Variants in ACYP2 observed in about 807,000 individuals in gnomAD.
ACYP2 encodes acylphosphatase-2.
A neutral mutation model predicts 11.2 loss-of-function variants in ACYP2; 12 were observed. The ratio of observed to expected loss-of-function variants is 1.08; its 90% confidence interval spans 0.69 to 1.74. The LOEUF (loss-of-function observed/expected upper bound fraction) is 1.74, where lower values mean the gene tolerates loss of function less well. Among genes scored for constraint, ACYP2 ranks in the 40% most tolerant of loss-of-function variants. The probability of loss-of-function intolerance (pLI) is 0.00; values close to 1 mark genes in which losing one functional copy is unlikely to be tolerated. For synonymous variants in ACYP2, 43 were observed against 32.2 expected (o/e 1.33, Z -1.13); for missense variants, 134 against 101.9 (o/e 1.31, Z -1.35).
In ACYP2 at chr2:54,205,010, C is replaced by T. The variant is rs546479302; in HGVS notation, c.404+66262C>T. 3.3e-5 allele frequency among the ~76,000 whole-genome samples: 5 copies of T among 152,240 alleles called. No homozygotes were observed. The South Asian group carries it at 1.0e-3, about 32-fold the overall frequency. On this transcript the variant is annotated intron_variant, in intron 6 of 6. Coordinates refer to ENST00000607452, the MANE Select transcript of ACYP2 (RefSeq NM_001320586.2). ...TTCTCCTTGAGTTTTCGTAGTTATT[C>T]TCCTTGTGTATCCCCTTAAACATTC... is the stretch of plus-strand genomic sequence containing the variant.
intron 2 of ACYP2, chr2:54,050,874 A>G: frequency 2.6e-6 from 1 of 381,902 alleles, no homozygotes; most frequent in Non-Finnish European, 4.6e-6. Flanking sequence ...TCCTGGGCTC[A>G]AGCAATCCTC....
At chr2:54,153,630 C>T (rs1435380604) in intron 6 of ACYP2, among the ~76,000 whole-genome samples, 10 of 145,262 alleles carry the variant, frequency 6.9e-5, no homozygotes, top group African/African-American at 1.3e-4. Context: ...GACAGAGTCT[C>T]GCTCTGTCAC....
chr2:54,135,389 A>T (rs1273308821), intron 4 of ACYP2, 64 bp from the exon 2 acceptor site: 2 of 1,514,976 alleles, frequency 1.3e-6, no homozygotes, highest in African/African-American at 2.8e-5. Flanking sequence ...AAGTTAAGTC[A>T]GGAAACATAT....
At chr2:54,195,999 T>C (rs1304405179) in intron 6 of ACYP2, among the ~76,000 whole-genome samples, 1 of 151,992 alleles carries the variant, frequency 6.6e-6, no homozygotes, top group African/African-American at 2.4e-5. Context: ...GGTTTCAACA[T>C]GTTGGTCAGG....
At chr2:54,290,589 T>G (rs1226762750) in intron 6 of ACYP2, among the ~76,000 whole-genome samples, 2 of 152,042 alleles carry the variant, frequency 1.3e-5, no homozygotes, top group Admixed American at 1.3e-4. Flanking sequence ...GGACAAGGCT[T>G]AAGTGATGCC....
At chr2:54,150,581 G>T (rs1682110036) in intron 6 of ACYP2, among the ~76,000 whole-genome samples, 2 of 150,800 alleles carry the variant, frequency 1.3e-5, no homozygotes, top group Non-Finnish European at 1.5e-5. Flanking sequence ...GCCACCATAC[G>T]CAGCTAATTT....
chr2:54,280,283 G>C (rs1271276353), intron 6 of ACYP2, among the ~76,000 whole-genome samples: 2 of 152,170 alleles, frequency 1.3e-5, no homozygotes, highest in Non-Finnish European at 2.9e-5. Flanking sequence ...TGACTGTCCA[G>C]GGGGTGGTTG....
chr2:54,012,053 T>C (rs1430999897), intron 2 of ACYP2, among the ~76,000 whole-genome samples: 1 of 152,074 alleles, frequency 6.6e-6, no homozygotes, highest in Non-Finnish European at 1.5e-5. Context: ...TTGGCCAACA[T>C]GGTGAAACCG....
intron 4 of ACYP2, among the ~76,000 whole-genome samples, chr2:54,106,330 CAG>C (rs1679157540): frequency 6.6e-6 from 1 of 151,888 alleles, no homozygotes; most frequent in South Asian, 2.1e-4. Context: ...TCCCAAAGCA[CAG>C]AGATTACAGG....
At chr2:54,277,861 A>T (rs964490008) in intron 6 of ACYP2, among the ~76,000 whole-genome samples, 1 of 152,138 alleles carries the variant, frequency 6.6e-6, no homozygotes, top group Non-Finnish European at 1.5e-5. Context: ...TGATATTTTT[A>T]TCTTCATTGA....
intron 6 of ACYP2, chr2:54,255,949 C>T: frequency 6.2e-7 from 1 of 1,614,100 alleles, no homozygotes; most frequent in Non-Finnish European, 8.5e-7. Context: ...GAAAGTATGG[C>T]CACCATCTGC....
At chr2:54,239,246 C>T (rs1477758488) in intron 6 of ACYP2, among the ~76,000 whole-genome samples, 2 of 152,118 alleles carry the variant, frequency 1.3e-5, no homozygotes, top group Non-Finnish European at 2.9e-5. Context: ...TGGTCATGGA[C>T]TGTTCTGCTT....
chr2:54,108,319 T>A (rs1480462449), intron 4 of ACYP2, among the ~76,000 whole-genome samples: 1 of 152,170 alleles, frequency 6.6e-6, no homozygotes, highest in African/African-American at 2.4e-5. Flanking sequence ...TAGAAAGAGA[T>A]TGCAATGGAT....
At chr2:54,217,824 A>G (rs76676492) in intron 6 of ACYP2, among the ~76,000 whole-genome samples, 1 of 152,324 alleles carries the variant, frequency 6.6e-6, no homozygotes, top group Non-Finnish European at 1.5e-5. Flanking sequence ...GGGAGTAGAG[A>G]ATAGCATGAT....
intron 4 of ACYP2, among the ~76,000 whole-genome samples, chr2:54,070,483 C>T (rs779111678): frequency 6.6e-6 from 1 of 152,078 alleles, no homozygotes; most frequent in African/African-American, 2.4e-5. Context: ...ATCTGCCGTT[C>T]CTCTGCATTG....
At chr2:54,225,021 A>G (rs1234173431) in intron 6 of ACYP2, among the ~76,000 whole-genome samples, 1 of 152,210 alleles carries the variant, frequency 6.6e-6, no homozygotes, top group African/African-American at 2.4e-5. Context: ...CAGTTGCAAG[A>G]TAAGGAAAGG....
intron 4 of ACYP2, among the ~76,000 whole-genome samples, chr2:54,103,452 G>GT (rs1256605610): frequency 1.3e-5 from 2 of 151,702 alleles, no homozygotes; most frequent in African/African-American, 4.8e-5. Flanking sequence ...TGCTGGAAAT[G>GT]TTTTTTTTCC....
intron 6 of ACYP2, among the ~76,000 whole-genome samples, chr2:54,249,434 C>CAAAA (rs55649227): frequency 2.1e-5 from 2 of 94,724 alleles, no homozygotes; most frequent in Admixed American, 1.3e-4. Flanking sequence ...GACTCCGTCT[C>CAAAA]AAAAAAAAAA....
chr2:54,070,783 C>A (rs1156964410), intron 4 of ACYP2, among the ~76,000 whole-genome samples: 2 of 149,554 alleles, frequency 1.3e-5, no homozygotes, highest in African/African-American at 5.0e-5. Context: ...GTCACCCAGG[C>A]TGGAGTGCAG....
Sources: gnomAD v4.1 joint callset for allele counts (sites outside exome capture counted in the v4.1 genomes callset) on GRCh38, gnomAD v4.1.1 for gene constraint, MANE v1.5 for transcripts, NCBI Gene and HGNC (gene_info 2026-07-23, HGNC 2026-07-21) for gene names.